The following FDX1 variants were observed in gnomAD, a reference collection of about 807,000 sequenced individuals.
FDX1 encodes the protein ferredoxin 1, also known as adrenodoxin, mitochondrial.
A neutral mutation model predicts 14.9 loss-of-function variants in FDX1; 9 were observed. That is an observed-to-expected ratio of 0.60 (90% CI 0.36 to 1.05). The LOEUF (loss-of-function observed/expected upper bound fraction) is 1.05, where lower values mean the gene tolerates loss of function less well. FDX1 is among the 50% of genes least tolerant of loss of function. The pLI, the probability that FDX1 is intolerant of heterozygous loss-of-function variation, is 0.01. For synonymous variants in FDX1, 92 were observed against 99.4 expected, an observed-to-expected ratio of 0.93 and a Z score of 0.44; for missense variants, 204 against 237.2, an observed-to-expected ratio of 0.86 and a Z score of 0.92.
chr11:110,460,524 A>G (rs867772180), intron 3 of FDX1, among the ~76,000 whole-genome samples: 4 of 152,168 alleles, frequency 2.6e-5, no homozygotes, highest in African/African-American at 4.8e-5. Context: ...CCTATCCTCC[A>G]AAGCCCATTG....
intron 2 of FDX1, among the ~76,000 whole-genome samples, chr11:110,438,436 A>G (rs368801213): frequency 2.6e-5 from 4 of 151,476 alleles, no homozygotes; most frequent in East Asian, 3.9e-4. Context: ...ATATTTATTT[A>G]TTTATTTTTG....
At position 110,453,701 on chromosome 11, in the gene FDX1, A is replaced by T. The variant is rs115802718; in HGVS notation, c.311-3217A>T. ...TCATCTGTCTTCTTATGGATTTTTG[A>T]AAGATTGAAAGTTTCTTTTTACTTT... On this transcript the variant is annotated intron_variant, in intron 2 of 3. Transcript: ENST00000260270. 3.9e-5 allele frequency among the ~76,000 whole-genome samples: 6 copies of T among 152,160 alleles called. No individual in the cohort carries two copies. The South Asian group carries it at 1.0e-3, about 26-fold the overall frequency.
chr11:110,431,799 C>T (rs1946333853), intron 1 of FDX1, among the ~76,000 whole-genome samples: 1 of 152,178 alleles, frequency 6.6e-6, no homozygotes, highest in African/African-American at 2.4e-5. Context: ...TCTATTTCCT[C>T]ATAATCCTGC....
At chr11:110,440,824 G>A (rs1299951138) in intron 2 of FDX1, among the ~76,000 whole-genome samples, 3 of 152,164 alleles carry the variant, frequency 2.0e-5, no homozygotes, top group Non-Finnish European at 4.4e-5. Context: ...ATTTTAAAAA[G>A]ACATTACGGT....
At position 110,462,413 on chromosome 11, in the gene FDX1, T is replaced by C. The variant is rs1195840825; in HGVS notation, c.500T>C (p.Val167Ala). ...TCTATGGACAATATGACTGTTCGAG[T>C]GCCTGAAACAGTGGCTGATGCCAGA... ...TKSMDNMTVR[V>A]PETVADARQS... The change falls in exon 4 of 4, where the codon GTG becomes GCG. Residue 167 changes from valine (V) to alanine (A), a missense_variant. Physicochemically the swap from Val to Ala is moderately conservative, Grantham distance 64. Transcript: ENST00000260270. 1.1e-5 allele frequency: 18 copies of C among 1,611,746 alleles called. No homozygotes were observed. Among genetic ancestry groups the C allele is most frequent in the Non-Finnish European group, 1.5e-5 (18 of 1,178,044 alleles).
At chr11:110,439,716 T>C (rs1481556957) in intron 2 of FDX1, among the ~76,000 whole-genome samples, 1 of 152,244 alleles carries the variant, frequency 6.6e-6, no homozygotes, top group Non-Finnish European at 1.5e-5. Flanking sequence ...TTGTTGCAAT[T>C]GATTTTGAGG....
At chr11:110,455,854 T>C (rs1225022868) in intron 2 of FDX1, among the ~76,000 whole-genome samples, 1 of 152,190 alleles carries the variant, frequency 6.6e-6, no homozygotes, top group African/African-American at 2.4e-5. Context: ...TGGCAGACTT[T>C]AGCTTGGTAG....
chr11:110,429,705 C>A (rs370046932), upstream of FDX1, among the ~76,000 whole-genome samples: 1 of 152,094 alleles, frequency 6.6e-6, no homozygotes, highest in Non-Finnish European at 1.5e-5. Context: ...TGGGGGTATG[C>A]GGAACAGAAC....
chr11:110,448,521 C>T (rs374532656), intron 2 of FDX1, among the ~76,000 whole-genome samples: 12 of 152,162 alleles, frequency 7.9e-5, no homozygotes, highest in African/African-American at 2.4e-4. Context: ...TGTCTTTTCC[C>T]GTTGGCAAAC....
chr11:110,447,153 G>T (rs572896553), intron 2 of FDX1, among the ~76,000 whole-genome samples: 1 of 144,192 alleles, frequency 6.9e-6, no homozygotes, highest in East Asian at 2.1e-4. Flanking sequence ...TCCAGCCTGG[G>T]TTACAGACTA....
intron 3 of FDX1, among the ~76,000 whole-genome samples, chr11:110,459,555 G>A (rs141804974): frequency 2.0e-5 from 3 of 152,314 alleles, no homozygotes; most frequent in Admixed American, 1.3e-4. Flanking sequence ...AAAGCCTTTA[G>A]TCTTTTACTA....
Position 110,430,276 on chromosome 11 carries a change from G to A in FDX1, c.156G>A (p.Ser52=). 1 of 1,202,418 alleles carries A rather than the reference G, an allele frequency of 8.3e-7. No individual in the cohort carries two copies. The highest frequency in any genetic ancestry group is 4.1e-5 in the South Asian group (1 of 24,114). 74.5% of individuals were successfully genotyped at this position (1,202,418 alleles called of 1,614,324 possible). A position where few individuals can be genotyped will look rare whatever the true frequency, so the allele number is the denominator to read the frequency against. ...GPGGSAEASR[S]LSVSARARSS... ...GCGGGAGCGCGGAGGCGAGCCGGTC[G>A]CTGAGCGTGTCGGCGCGGGCCCGGA... The change falls in exon 1 of 4, where the codon TCG becomes TCA. Residue 52 remains serine, a synonymous_variant. Transcript: ENST00000260270.
At chr11:110,452,022 T>C (rs1946489593) in intron 2 of FDX1, among the ~76,000 whole-genome samples, 1 of 152,030 alleles carries the variant, frequency 6.6e-6, no homozygotes, top group African/African-American at 2.4e-5. Context: ...TGGATATTCA[T>C]GTGGGAAAAA....
chr11:110,438,607 G>T (rs1255292249), intron 2 of FDX1, among the ~76,000 whole-genome samples: 1 of 151,830 alleles, frequency 6.6e-6, no homozygotes, highest in Non-Finnish European at 1.5e-5. Flanking sequence ...TATATTTTTA[G>T]TAGTTTTATA....
rs537464383 is a variant in FDX1 at position 110,446,713 on chromosome 11, G to A, written c.311-10205G>A. Among the ~76,000 whole-genome samples, 4 of 152,176 alleles carry A rather than the reference G, an allele frequency of 2.6e-5. No homozygotes were observed. The South Asian group carries it at 8.3e-4, about 32-fold the overall frequency. ...TCCATCGGCACCTCCTGCCAGTTGT[G>A]CCCCCAAGATTCGCCTCCAGCATGT... On this transcript the variant is annotated intron_variant, in intron 2 of 3. Coordinates refer to ENST00000260270, the MANE Select transcript of FDX1 (RefSeq NM_004109.5).
At chr11:110,443,788 T>G (rs1374536683) in intron 2 of FDX1, among the ~76,000 whole-genome samples, 1 of 151,994 alleles carries the variant, frequency 6.6e-6, no homozygotes, top group Non-Finnish European at 1.5e-5. Flanking sequence ...GGTATCTCAT[T>G]GTGGTTTTGA....
intron 3 of FDX1, among the ~76,000 whole-genome samples, chr11:110,458,245 A>C (rs1397218843): frequency 6.6e-6 from 1 of 152,200 alleles, no homozygotes; most frequent in Non-Finnish European, 1.5e-5. Flanking sequence ...TAGATACAAA[A>C]GGTCTATAAT....
rs1037593090 is a variant in FDX1 at position 110,446,370 on chromosome 11, T to G, written c.310+10412T>G. Among the ~76,000 whole-genome samples the G allele has an allele frequency of 9.2e-5, 14 of 152,342 alleles. No homozygotes were observed. In the East Asian group the frequency reaches 1.5e-3, roughly 17 times the overall value. On this transcript the variant is annotated intron_variant, in intron 2 of 3. Transcript: ENST00000260270. ...CTCCAAACATGGCTGACCGAAGTACTTAGTTTCTTTACAGTTTCTCCCTGG... is the reference window on the plus strand; with the variant it reads ...CTCCAAACATGGCTGACCGAAGTACGTAGTTTCTTTACAGTTTCTCCCTGG...
At chr11:110,442,475 G>A (rs750582207) in intron 2 of FDX1, among the ~76,000 whole-genome samples, 8 of 152,230 alleles carry the variant, frequency 5.3e-5, no homozygotes, top group Non-Finnish European at 1.0e-4. Flanking sequence ...CTGGATGTGA[G>A]ACATGTAGTC....
Sources: gnomAD v4.1 joint callset for allele counts (sites outside exome capture counted in the v4.1 genomes callset) on GRCh38, gnomAD v4.1.1 for gene constraint, MANE v1.5 for transcripts, NCBI Gene and HGNC (gene_info 2026-07-23, HGNC 2026-07-21) for gene names.